Variants in GRID1 observed in about 807,000 individuals in gnomAD.
The protein encoded by GRID1 is glutamate receptor ionotropic, delta-1.
GRID1 carries 28 observed loss-of-function variants against 98.0 expected under a neutral mutation model. The ratio of observed to expected loss-of-function variants is 0.29; its 90% CI spans 0.21 to 0.39. GRID1 has a LOEUF of 0.39. Ranked by LOEUF, GRID1 falls within the 10% of genes least tolerant of loss-of-function variation. The probability of loss-of-function intolerance (pLI) is 1.00; values close to 1 mark genes in which losing one functional copy is unlikely to be tolerated. For missense variants in GRID1, 1,111 were observed against 1,340.5 expected (o/e 0.83, Z 2.67); for synonymous variants, 553 against 538.5 (o/e 1.03, Z -0.37).
At chr10:86,337,988 G>A (rs552502759) in intron 2 of GRID1, among the ~76,000 whole-genome samples, 5 of 152,278 alleles carry the variant, frequency 3.3e-5, no homozygotes, top group East Asian at 3.9e-4. Context: ...GATTACAGGC[G>A]TGAGCCACCG....
At chr10:85,873,632 C>T (rs1843300240) in intron 5 of GRID1, among the ~76,000 whole-genome samples, 1 of 152,186 alleles carries the variant, frequency 6.6e-6, no homozygotes, top group Non-Finnish European at 1.5e-5. Context: ...CAGAAGCAGC[C>T]TTCATCATGC....
At chr10:86,353,335 C>A (rs981311837) in intron 2 of GRID1, among the ~76,000 whole-genome samples, 7 of 152,250 alleles carry the variant, frequency 4.6e-5, no homozygotes, top group African/African-American at 1.7e-4. Context: ...GAGCTCTGAG[C>A]AGCAGCTGGA....
intron 3 of GRID1, among the ~76,000 whole-genome samples, chr10:86,147,482 C>T (rs1845105444): frequency 6.6e-6 from 1 of 151,974 alleles, no homozygotes; most frequent in Non-Finnish European, 1.5e-5. Context: ...GGTGCTGGTA[C>T]AAAAATAGAC....
At chr10:85,959,429 A>C (rs1053297328) in intron 4 of GRID1, among the ~76,000 whole-genome samples, 13 of 152,198 alleles carry the variant, frequency 8.5e-5, no homozygotes, top group African/African-American at 3.1e-4. Flanking sequence ...TGTTCAGGGC[A>C]ATGAGTTGGC....
At chr10:85,803,952 G>T (rs891131482) in intron 8 of GRID1, among the ~76,000 whole-genome samples, 1 of 151,488 alleles carries the variant, frequency 6.6e-6, no homozygotes, top group African/African-American at 2.4e-5. Flanking sequence ...AAAGAGAAAG[G>T]TATACAGTCA....
At chr10:85,658,104 G>A (rs879301340) in intron 12 of GRID1, among the ~76,000 whole-genome samples, 5 of 152,174 alleles carry the variant, frequency 3.3e-5, no homozygotes, top group African/African-American at 1.2e-4. Context: ...GCAGCCCTTC[G>A]GGAGGCTGTG....
At chr10:86,191,669 G>A (rs1360937727) in intron 3 of GRID1, among the ~76,000 whole-genome samples, 1 of 152,148 alleles carries the variant, frequency 6.6e-6, no homozygotes, top group Non-Finnish European at 1.5e-5. Context: ...AGTTCCCTCA[G>A]GGTGGCCCCT....
At chr10:85,950,062 G>A (rs1842100812) in intron 4 of GRID1, among the ~76,000 whole-genome samples, 1 of 152,052 alleles carries the variant, frequency 6.6e-6, no homozygotes, top group African/African-American at 2.4e-5. Flanking sequence ...ATACCTGGTA[G>A]GTAACAAAGC....
chr10:86,038,526 C>T (rs1299668529), intron 4 of GRID1, among the ~76,000 whole-genome samples: 1 of 152,206 alleles, frequency 6.6e-6, no homozygotes, highest in Non-Finnish European at 1.5e-5. Context: ...GCTCATGAGC[C>T]TCAAAGCCCA....
chr10:86,048,072 A>T (rs766585888), intron 4 of GRID1, among the ~76,000 whole-genome samples: 25 of 152,154 alleles, frequency 1.6e-4, no homozygotes, highest in Non-Finnish European at 3.4e-4. Context: ...CCTTGCACAC[A>T]AATGAACATG....
chr10:85,886,535 C>G (rs1200233164), intron 5 of GRID1, among the ~76,000 whole-genome samples: 1 of 152,098 alleles, frequency 6.6e-6, no homozygotes, highest in Non-Finnish European at 1.5e-5. Context: ...AATACGAGAT[C>G]TCAAATATGG....
At chr10:86,099,162 G>A (rs568117695) in intron 4 of GRID1, among the ~76,000 whole-genome samples, 3 of 152,276 alleles carry the variant, frequency 2.0e-5, no homozygotes, top group African/African-American at 7.2e-5. Context: ...AGGGGACAAG[G>A]TAGCACAGTG....
chr10:85,876,113 A>G (rs1843328761), intron 5 of GRID1, among the ~76,000 whole-genome samples: 1 of 152,240 alleles, frequency 6.6e-6, no homozygotes, highest in South Asian at 2.1e-4. Context: ...ACTGCTGTCC[A>G]GTGTGTAAGT....
chr10:86,068,437 C>T (rs569065305), intron 4 of GRID1, among the ~76,000 whole-genome samples: 32 of 152,296 alleles, frequency 2.1e-4, no homozygotes, highest in African/African-American at 7.0e-4. Context: ...GTGCGTTCCT[C>T]GCCATCCCCA....
At chr10:85,961,695 T>C (rs564627956) in intron 4 of GRID1, among the ~76,000 whole-genome samples, 4 of 151,802 alleles carry the variant, frequency 2.6e-5, no homozygotes, top group Non-Finnish European at 5.9e-5. Flanking sequence ...TTTCCTTCCC[T>C]GCTTCTTTCC....
intron 12 of GRID1, among the ~76,000 whole-genome samples, chr10:85,677,274 G>A (rs771680185): frequency 3.3e-5 from 5 of 152,208 alleles, no homozygotes; most frequent in Non-Finnish European, 7.3e-5. Flanking sequence ...TATGAGGGCT[G>A]CTGGCAGGCC....
chr10:86,156,750 GAAC>G (rs1454104484), intron 3 of GRID1, among the ~76,000 whole-genome samples: 1 of 152,238 alleles, frequency 6.6e-6, no homozygotes, highest in Non-Finnish European at 1.5e-5. Context: ...GAGACGTCTA[GAAC>G]AAGTCATGTC....
At chr10:86,133,722 A>G (rs1844872932) in intron 4 of GRID1, among the ~76,000 whole-genome samples, 2 of 152,232 alleles carry the variant, frequency 1.3e-5, no homozygotes, top group African/African-American at 4.8e-5. Context: ...ACAAGGTCCC[A>G]TGCTGCTCTC....
chr10:86,179,987 A>T (rs1413479982), intron 3 of GRID1, among the ~76,000 whole-genome samples: 1 of 152,194 alleles, frequency 6.6e-6, no homozygotes, highest in African/African-American at 2.4e-5. Flanking sequence ...AAGGGTCTGA[A>T]TCCCTTGCAG....
Sources: gnomAD v4.1 joint callset for allele counts (sites outside exome capture counted in the v4.1 genomes callset) on GRCh38, gnomAD v4.1.1 for gene constraint, MANE v1.5 for transcripts, NCBI Gene and HGNC (gene_info 2026-07-23, HGNC 2026-07-21) for gene names.